Variants in STN1 observed in about 807,000 individuals in gnomAD.
The protein encoded by STN1 is CST complex subunit STN1.
A neutral mutation model predicts 45.5 loss-of-function variants in STN1; 29 were observed. The ratio of observed to expected loss-of-function variants is 0.64; its 90% CI spans 0.47 to 0.87. The LOEUF (loss-of-function observed/expected upper bound fraction) is 0.87. Ranked by LOEUF, STN1 falls within the 40% of genes least tolerant of loss-of-function variation. The pLI is 0.00. For missense variants in STN1, 376 were observed against 441.4 expected (o/e 0.85, Z 1.33); for synonymous variants, 148 against 159.0 (o/e 0.93, Z 0.52).
intron 9 of STN1, among the ~76,000 whole-genome samples, chr10:103,886,041 G>A (rs1193282110): frequency 6.6e-6 from 1 of 151,856 alleles, no homozygotes; most frequent in African/African-American, 2.4e-5. Context: ...AACTACAAAA[G>A]GTTAAACTTC....
intron 2 of STN1, among the ~76,000 whole-genome samples, chr10:103,912,870 G>A (rs930370038): frequency 2.0e-5 from 3 of 152,240 alleles, no homozygotes; most frequent in African/African-American, 7.2e-5. Context: ...GTACTTGTTT[G>A]TATTAGAGAC....
rs758292570 is a variant in STN1 at position 103,892,286 on chromosome 10, A to G, written c.754-34T>C. ...AGAGGAAAAAGAAAAAAGAAAAGAA[A>G]TAAGTCTCACCTTACGGCACCTGAG... is the stretch of plus-strand genomic sequence containing the variant. On this transcript the variant is annotated intron_variant, in intron 7 of 9. Transcript: ENST00000224950. 5.7e-6 allele frequency: 9 copies of G among 1,570,294 alleles called. No homozygotes were observed. In the East Asian group the frequency reaches 9.0e-5, roughly 16 times the overall value.
rs1160393597 is a variant in STN1 at position 103,880,712 on chromosome 10, G to C, written c.*1972C>G. Among the ~76,000 whole-genome samples, 1 of 152,200 alleles carries C rather than the reference G, an allele frequency of 6.6e-6. No homozygotes were observed. The highest frequency in any genetic ancestry group is 1.5e-5 in the Non-Finnish European group (1 of 68,040). On this transcript the variant is annotated 3_prime_UTR_variant, in exon 10 of 10. Transcript: ENST00000224950. ...TGTAGATGGTATAATCCATGTGGCT[G>C]CTGGAGACACCCCAGTGAGCAAGCC...
In STN1 at chr10:103,881,924, A is replaced by T. The variant is rs1189702684; in HGVS notation, c.*760T>A. 6.6e-6 allele frequency among the ~76,000 whole-genome samples: 1 copy of T among 152,020 alleles called. No homozygotes were observed. The highest frequency in any genetic ancestry group is 1.5e-5 in the Non-Finnish European group (1 of 68,008). On this transcript the variant is annotated 3_prime_UTR_variant, in exon 10 of 10. Coordinates refer to ENST00000224950, the MANE Select transcript of STN1 (RefSeq NM_024928.5). The stretch of plus-strand genomic sequence containing the variant: ...GGCAACCCTGAAAATAACATCTACC[A>T]CCTGCCAGGCAATTGGCTGACTGCC...
chr10:103,902,234 C>A (rs1398803251), intron 4 of STN1, among the ~76,000 whole-genome samples: 4 of 152,132 alleles, frequency 2.6e-5, no homozygotes, highest in Non-Finnish European at 5.9e-5. Context: ...CTGCTCAGAG[C>A]TTACTGGGTT....
At chr10:103,915,558 C>A (rs1843325539) in intron 2 of STN1, among the ~76,000 whole-genome samples, 1 of 152,210 alleles carries the variant, frequency 6.6e-6, no homozygotes, top group South Asian at 2.1e-4. Flanking sequence ...TCACACAACA[C>A]ATTCATTTCA....
chr10:103,916,367 A>C (rs1843331364), intron 2 of STN1, among the ~76,000 whole-genome samples: 2 of 152,234 alleles, frequency 1.3e-5, no homozygotes, highest in African/African-American at 2.4e-5. Flanking sequence ...AGAAAACCAG[A>C]CTGGAAAATG....
chr10:103,914,391 T>TTGAGACAGGGTCTTGC (rs1843314507), intron 2 of STN1, among the ~76,000 whole-genome samples: 2 of 140,460 alleles, frequency 1.4e-5, no homozygotes, highest in African/African-American at 2.7e-5. Context: ...TTTTTTTTTT[T>TTGAGACAGGGTCTTGC]TGAGACAGGG....
chr10:103,912,046 T>C (rs2756116), intron 2 of STN1, among the ~76,000 whole-genome samples: 128,712 of 151,996 alleles, frequency 0.85, 55,407 homozygotes, highest in East Asian at 1. Context: ...TGGTTGGAGA[T>C]TGTCCTCAGG....
At chr10:103,894,391 G>A (rs1332585456) in intron 7 of STN1, among the ~76,000 whole-genome samples, 1 of 152,144 alleles carries the variant, frequency 6.6e-6, no homozygotes, top group African/African-American at 2.4e-5. Flanking sequence ...AGCAGGAAGA[G>A]ACAATGCTAG....
Position 103,881,673 on chromosome 10 carries a change from C to G in STN1, c.*1011G>C, listed in dbSNP as rs562598835. Among the ~76,000 whole-genome samples, 4 of 152,204 alleles carry G rather than the reference C, an allele frequency of 2.6e-5. No individual in the cohort carries two copies. The highest frequency in any genetic ancestry group is 1.9e-4 in the East Asian group (1 of 5,204). ...TCACATCAAGAGCAAATGCAGCAGACGAAGGCAGTGCCTTCTGTGAAATGA... is the reference window on the plus strand; with the variant it reads ...TCACATCAAGAGCAAATGCAGCAGAGGAAGGCAGTGCCTTCTGTGAAATGA... On this transcript the variant is annotated 3_prime_UTR_variant, in exon 10 of 10. Coordinates refer to ENST00000224950, the MANE Select transcript of STN1 (RefSeq NM_024928.5).
At chr10:103,898,136 A>C (rs900346290) in intron 6 of STN1, among the ~76,000 whole-genome samples, 3 of 152,222 alleles carry the variant, frequency 2.0e-5, no homozygotes, top group Non-Finnish European at 4.4e-5. Context: ...GAGAATTTTC[A>C]CTTTTTATAT....
Position 103,892,134 on chromosome 10 carries a change from T to C in STN1, c.872A>G (p.Tyr291Cys), listed in dbSNP as rs1390771835. The C allele has an allele frequency of 7.5e-6, 12 of 1,608,194 alleles. No homozygotes were observed. Among genetic ancestry groups the C allele is most frequent in the Non-Finnish European group, 9.3e-6 (11 of 1,178,390 alleles). The change falls in exon 8 of 10, where the codon TAC (tyrosine) becomes TGC (cysteine). Residue 291 changes from tyrosine to cysteine, a missense_variant. Transcript: ENST00000224950. Reference sequence around the variant, plus strand: ...GTTAAGTTGCAAGTGTCTTACATAGTATAGGTTATCAAAACCATCATCTTT... The same window carrying C: ...GTTAAGTTGCAAGTGTCTTACATAGCATAGGTTATCAAAACCATCATCTTT... ...FQKDDGFDNL[Y>C]YVTREDKDLH...
At chr10:103,893,783 T>C (rs1843155147) in intron 7 of STN1, among the ~76,000 whole-genome samples, 1 of 152,256 alleles carries the variant, frequency 6.6e-6, no homozygotes, top group African/African-American at 2.4e-5. Context: ...TAATAGATCC[T>C]GGTGATGTTT....
intron 6 of STN1, 134 bp downstream of exon 6, chr10:103,898,743 G>A (rs1843187775): frequency 1.1e-6 from 1 of 926,726 alleles, no homozygotes. Flanking sequence ...GAGGGTTAGA[G>A]GGCTTGCCCA....
chr10:103,910,137 T>C (rs1249430074), intron 3 of STN1, among the ~76,000 whole-genome samples: 1 of 152,210 alleles, frequency 6.6e-6, no homozygotes. Flanking sequence ...TGTTAAAGAA[T>C]CTACTTTAAC....
intron 7 of STN1, among the ~76,000 whole-genome samples, chr10:103,896,453 G>C (rs1304310166): frequency 6.6e-6 from 1 of 152,094 alleles, no homozygotes; most frequent in African/African-American, 2.4e-5. Flanking sequence ...GATAAAGAAA[G>C]TAAATAAATG....
chr10:103,910,112 C>G (rs1396689998), intron 3 of STN1, among the ~76,000 whole-genome samples: 1 of 152,106 alleles, frequency 6.6e-6, no homozygotes, highest in African/African-American at 2.4e-5. Flanking sequence ...AATTATTTTT[C>G]ACATCTTCCT....
At chr10:103,914,754 T>C (rs781450060) in intron 2 of STN1, among the ~76,000 whole-genome samples, 4 of 152,184 alleles carry the variant, frequency 2.6e-5, no homozygotes, top group Non-Finnish European at 5.9e-5. Context: ...GTATTTTTCT[T>C]AGTTCAACTC....
Sources: allele counts gnomAD v4.1 joint callset (sites outside exome capture counted in the v4.1 genomes callset), GRCh38; gene constraint gnomAD v4.1.1; transcripts MANE v1.5; gene names NCBI Gene and HGNC (gene_info 2026-07-23, HGNC 2026-07-21).